TRPS1: variants seen among roughly 807,000 people sequenced by gnomAD.
The protein encoded by TRPS1 is zinc finger transcription factor Trps1.
A neutral mutation model predicts 101.2 loss-of-function variants in TRPS1; 6 were observed. That is an observed-to-expected ratio of 0.06 (90% CI 0.03 to 0.12). The LOEUF (loss-of-function observed/expected upper bound fraction) is 0.12, where lower values mean the gene tolerates loss of function less well. Ranked by LOEUF, TRPS1 falls within the 10% of genes least tolerant of loss-of-function variation. TRPS1 has a pLI of 1.00. For missense variants in TRPS1, 1,363 were observed against 1,567.0 expected, an observed-to-expected ratio of 0.87 and a Z score of 2.20; for synonymous variants, 578 against 589.8, an observed-to-expected ratio of 0.98 and a Z score of 0.29.
rs3912342 is a variant in TRPS1 at position 115,480,115 on chromosome 8, T to C, written c.2701-61663A>G. The stretch of plus-strand genomic sequence containing the variant: ...GTGTTCAGGGATTTTCTTCTGTTCA[T>C]ACTGAAGATGACTGTGAAAGTCAGA... On this transcript the variant is annotated intron_variant, in intron 5 of 6. Coordinates refer to ENST00000395715, the MANE Select transcript of TRPS1 (RefSeq NM_014112.5). 9.7e-3 allele frequency among the ~76,000 whole-genome samples: 1,484 copies of C among 152,250 alleles called. 20 individuals carry two copies. The highest frequency in any genetic ancestry group is 0.034 in the African/African-American group (1,409 of 41,554).
chr8:115,415,845 T>C (rs1304041161), intron 6 of TRPS1, among the ~76,000 whole-genome samples: 2 of 152,184 alleles, frequency 1.3e-5, no homozygotes, highest in South Asian at 2.1e-4. Flanking sequence ...TATTTTGTTA[T>C]GGAAACCTAA....
chr8:115,469,481 G>T (rs563207411), intron 5 of TRPS1, among the ~76,000 whole-genome samples: 131 of 152,156 alleles, frequency 8.6e-4, no homozygotes, highest in South Asian at 2.1e-3. Flanking sequence ...AATATTCAAT[G>T]GGCTACAGTC....
rs760711774 is a variant in TRPS1, at chr8:115,414,018, A to T, written c.*5T>A. ...TTCTATTTAATTGTGCTAAGTGCTA[A>T]GGTTTTACTCTTTAGGTTTTCCATT... On this transcript the variant is annotated 3_prime_UTR_variant, in exon 7 of 7. Transcript: ENST00000395715. This position sits in a 1 kb window ranked among gnomAD's most constrained non-coding sequence, Gnocchi z 4.8. 6.2e-7 allele frequency: 1 copy of T among 1,613,236 alleles called. No homozygotes were observed. The highest frequency in any genetic ancestry group is 1.7e-5 in the Admixed American group (1 of 59,878).
chr8:115,413,852 A>G lies in TRPS1; in HGVS notation c.*171T>C, dbSNP rs1812845802. The G allele has an allele frequency of 1.5e-6, 1 of 656,578 alleles. No homozygotes were observed. Among genetic ancestry groups the G allele is most frequent in the African/African-American group, 1.8e-5 (1 of 54,538 alleles). The allele number at this position is 656,578 out of a possible 1,614,324, so 40.7% of individuals were successfully genotyped here. On this transcript the variant is annotated 3_prime_UTR_variant, in exon 7 of 7. Transcript: ENST00000395715. Reference sequence around the variant, plus strand: ...CATTGACCATTTATCTCACTTTTTAATCTTGGTAACCTACTCATCAAAAGA... The same window carrying G: ...CATTGACCATTTATCTCACTTTTTAGTCTTGGTAACCTACTCATCAAAAGA...
intron 1 of TRPS1, among the ~76,000 whole-genome samples, chr8:115,657,708 C>G (rs1338547310): frequency 6.6e-6 from 1 of 151,996 alleles, no homozygotes; most frequent in African/African-American, 2.4e-5. Flanking sequence ...CTAAAATTGA[C>G]TTTTTTTAAA....
At chr8:115,540,198 C>T (rs2130303695) in intron 5 of TRPS1, among the ~76,000 whole-genome samples, 1 of 152,226 alleles carries the variant, frequency 6.6e-6, no homozygotes, top group East Asian at 1.9e-4. Flanking sequence ...GCACAATGGA[C>T]ACATTTAACA....
At chr8:115,511,614 C>A (rs1169309192) in intron 5 of TRPS1, among the ~76,000 whole-genome samples, 4 of 151,840 alleles carry the variant, frequency 2.6e-5, no homozygotes, top group Admixed American at 6.6e-5. Context: ...TGGGACCTGA[C>A]AAAGACCCAC....
At chr8:115,492,997 G>T (rs971153808) in intron 5 of TRPS1, among the ~76,000 whole-genome samples, 1 of 152,108 alleles carries the variant, frequency 6.6e-6, no homozygotes, top group Non-Finnish European at 1.5e-5. Flanking sequence ...TTACAGGTGT[G>T]AGCCACCTTG....
intron 5 of TRPS1, among the ~76,000 whole-genome samples, chr8:115,426,200 TA>T (rs1813182509): frequency 1.3e-5 from 2 of 152,186 alleles, no homozygotes; most frequent in Non-Finnish European, 2.9e-5. Context: ...AAAAAAATAC[TA>T]AAAGGCCTTT....
chr8:115,509,465 G>A (rs1815527026), intron 5 of TRPS1: 1 of 151,996 alleles, frequency 6.6e-6, no homozygotes, highest in East Asian at 1.9e-4. Flanking sequence ...CACATGGCAG[G>A]TGAAATATGT....
Position 115,619,253 on chromosome 8 carries a change from T to C in TRPS1, c.845A>G (p.Asn282Ser), listed in dbSNP as rs371640786. The C allele has an allele frequency of 6.2e-6, 10 of 1,613,850 alleles. No individual in the cohort carries two copies. The highest frequency in any genetic ancestry group is 7.6e-6 in the Non-Finnish European group (9 of 1,179,866). ...ELDSKILALH[N>S]MVQFSHSKDF... ...TTTGGAATGGCTGAACTGCACCATG[T>C]TATGAAGGGCCAAGATTTTGCTGTC... Residue 282 changes from asparagine (N) to serine (S), a missense_variant, in exon 3 of 7, where the codon AAC becomes AGC. This residue lies in a region of TRPS1 where 1,020 missense variants were observed against 1,073.0 expected (regional missense o/e 0.95). Coordinates refer to ENST00000395715, the MANE Select transcript of TRPS1 (RefSeq NM_014112.5).
At chr8:115,515,990 A>T (rs1307548762) in intron 5 of TRPS1, among the ~76,000 whole-genome samples, 1 of 151,472 alleles carries the variant, frequency 6.6e-6, no homozygotes, top group Non-Finnish European at 1.5e-5. Flanking sequence ...CTTGGCAATT[A>T]TCCTTTTAAA....
intron 1 of TRPS1, among the ~76,000 whole-genome samples, chr8:115,631,862 G>A (rs1372558709): frequency 6.6e-6 from 1 of 151,986 alleles, no homozygotes; most frequent in African/African-American, 2.4e-5. Context: ...CCTTATTTCG[G>A]CTGAAAAAAG....
At chr8:115,558,975 C>T (rs1342485279) in intron 5 of TRPS1, among the ~76,000 whole-genome samples, 2 of 152,030 alleles carry the variant, frequency 1.3e-5, no homozygotes, top group South Asian at 2.1e-4. Flanking sequence ...TCAGAATACC[C>T]GTGGTTATCA....
intron 5 of TRPS1, among the ~76,000 whole-genome samples, chr8:115,438,018 A>AT (rs373369726): frequency 6.6e-6 from 1 of 152,062 alleles, no homozygotes; most frequent in Non-Finnish European, 1.5e-5. Context: ...AAAACATGGC[A>AT]TTTTTTTTCT....
At chr8:115,611,772 CG>C (rs1818173629) in intron 3 of TRPS1, among the ~76,000 whole-genome samples, 4 of 152,132 alleles carry the variant, frequency 2.6e-5, no homozygotes. Flanking sequence ...ATTATCAAAT[CG>C]TTAAATGGAA....
chr8:115,486,656 TG>T (rs1484904744), intron 5 of TRPS1, among the ~76,000 whole-genome samples: 1 of 152,210 alleles, frequency 6.6e-6, no homozygotes, highest in Admixed American at 6.5e-5. Flanking sequence ...AAAGTTTTAA[TG>T]GTCGGGATTG....
chr8:115,632,292 T>A (rs1054827171), intron 1 of TRPS1, among the ~76,000 whole-genome samples: 3 of 151,992 alleles, frequency 2.0e-5, no homozygotes, highest in Admixed American at 1.3e-4. Context: ...TCTCCAACAT[T>A]CCAAAACTCA....
intron 5 of TRPS1, among the ~76,000 whole-genome samples, chr8:115,467,110 C>G (rs983662813): frequency 2.0e-5 from 3 of 151,918 alleles, no homozygotes; most frequent in African/African-American, 7.3e-5. Context: ...AGAACAGCTT[C>G]TTGTTTCTCA....
Sources: allele counts gnomAD v4.1 joint callset (sites outside exome capture counted in the v4.1 genomes callset), GRCh38; gene constraint gnomAD v4.1.1; regional missense constraint gnomAD v4.1.1; non-coding constraint Gnocchi (gnomAD v3.1); transcripts MANE v1.5; gene names NCBI Gene and HGNC (gene_info 2026-07-23, HGNC 2026-07-21).